PTPRK: variants seen among roughly 807,000 people sequenced by gnomAD.
PTPRK encodes the protein protein tyrosine phosphatase receptor type K.
A neutral mutation model predicts 178.0 loss-of-function variants in PTPRK; 75 were observed. That is an observed-to-expected ratio of 0.42 (90% CI 0.35 to 0.51). PTPRK has a LOEUF of 0.51. Ranked by LOEUF, PTPRK falls within the 20% of genes least tolerant of loss-of-function variation. PTPRK has a pLI of 0.02. For synonymous variants in PTPRK, 637 were observed against 620.6 expected (o/e 1.03, Z -0.39); for missense variants, 1,441 against 1,797.8 (o/e 0.80, Z 3.59).
intron 7 of PTPRK, among the ~76,000 whole-genome samples, chr6:128,097,253 G>C (rs1302859474): frequency 6.6e-6 from 1 of 150,474 alleles, no homozygotes; most frequent in African/African-American, 2.4e-5. Context: ...TAAAGTGACA[G>C]AGGGTGGATG....
intron 2 of PTPRK, among the ~76,000 whole-genome samples, chr6:128,381,258 C>A (rs1046995842): frequency 6.6e-6 from 1 of 152,146 alleles, no homozygotes; most frequent in African/African-American, 2.4e-5. Flanking sequence ...TACATAAAAA[C>A]AGTCTTAAGA....
intron 1 of PTPRK, among the ~76,000 whole-genome samples, chr6:128,483,179 G>A (rs185096832): frequency 6.0e-4 from 91 of 152,160 alleles, no homozygotes; most frequent in Non-Finnish European, 9.7e-4. Flanking sequence ...TACAAAAGTC[G>A]TGTTTTTTCT....
intron 21 of PTPRK, among the ~76,000 whole-genome samples, chr6:127,986,880 G>C (rs976481695): frequency 6.6e-6 from 1 of 152,070 alleles, no homozygotes; most frequent in African/African-American, 2.4e-5. Context: ...ATTTCTTAAA[G>C]GTTTTCTTAA....
intron 7 of PTPRK, among the ~76,000 whole-genome samples, chr6:128,175,142 C>G (rs867023027): frequency 1.3e-5 from 2 of 151,814 alleles, no homozygotes; most frequent in Non-Finnish European, 2.9e-5. Flanking sequence ...CTTAAAAATG[C>G]AATACAAATG....
chr6:128,115,252 A>G (rs1583071009), intron 7 of PTPRK, among the ~76,000 whole-genome samples: 2 of 152,098 alleles, frequency 1.3e-5, no homozygotes, highest in African/African-American at 2.4e-5. Flanking sequence ...TCAAACACAT[A>G]TGTCCCCTAG....
chr6:128,476,029 C>G (rs1448794418), intron 1 of PTPRK, among the ~76,000 whole-genome samples: 1 of 152,002 alleles, frequency 6.6e-6, no homozygotes, highest in Non-Finnish European at 1.5e-5. Context: ...GAAAGGATAT[C>G]TTACCAAAAC....
intron 1 of PTPRK, among the ~76,000 whole-genome samples, chr6:128,457,731 CAA>C (rs201024018): frequency 1.5e-4 from 23 of 152,188 alleles, no homozygotes; most frequent in African/African-American, 4.6e-4. Context: ...CTAAAAATGA[CAA>C]GAGTTTGTTT....
At chr6:128,071,972 T>A (rs534419030) in intron 11 of PTPRK, among the ~76,000 whole-genome samples, 1 of 152,186 alleles carries the variant, frequency 6.6e-6, no homozygotes, top group South Asian at 2.1e-4. Context: ...GTGAGTTGAC[T>A]AATTACATGA....
rs1198878385 is a variant in PTPRK, at chr6:128,083,839, A to G, written c.1466-15T>C. The G allele has an allele frequency of 4.1e-6, 6 of 1,453,200 alleles. No individual in the cohort carries two copies. Among genetic ancestry groups the G allele is most frequent in the Non-Finnish European group, 5.6e-6 (6 of 1,069,470 alleles). The allele number at this position is 1,453,200 out of a possible 1,614,324, so 90.0% of individuals were successfully genotyped here. ...GGGACCAGGCACTACAAAACACATG[A>G]ATTTTTTGTTATGAAAATGCTTACA... On this transcript the variant is annotated splice_polypyrimidine_tract_variant and intron_variant, in intron 8 of 29. Coordinates refer to ENST00000368226, the MANE Select transcript of PTPRK (RefSeq NM_002844.4).
chr6:128,020,344 G>A (rs1294835635), intron 13 of PTPRK, among the ~76,000 whole-genome samples: 2 of 152,128 alleles, frequency 1.3e-5, no homozygotes, highest in Non-Finnish European at 2.9e-5. Flanking sequence ...AGCAAAGTAA[G>A]CTACAGAACA....
At chr6:128,228,871 A>C (rs1053158400) in intron 5 of PTPRK, among the ~76,000 whole-genome samples, 1 of 152,206 alleles carries the variant, frequency 6.6e-6, no homozygotes, top group Non-Finnish European at 1.5e-5. Context: ...AAGGCTTTAT[A>C]GTGACTGACT....
rs187532861 is a variant in PTPRK at position 128,491,612 on chromosome 6, G to A, written c.100+28647C>T. 32 of 365,992 alleles carry A rather than the reference G, an allele frequency of 8.7e-5. 1 individual carries two copies. The highest frequency in any genetic ancestry group is 9.4e-5 in the Non-Finnish European group (17 of 181,354). 22.7% of individuals were successfully genotyped at this position (365,992 alleles called of 1,614,324 possible). The stretch of plus-strand genomic sequence containing the variant: ...CCTGCAGTCAATTCTCAAGCTAGAA[G>A]ACTGTGGTGAGAATATGAGATTAAT... On this transcript the variant is annotated intron_variant, in intron 1 of 29. Coordinates refer to ENST00000368226, the MANE Select transcript of PTPRK (RefSeq NM_002844.4).
At chr6:128,344,664 C>T (rs1163217242) in intron 2 of PTPRK, among the ~76,000 whole-genome samples, 1 of 152,024 alleles carries the variant, frequency 6.6e-6, no homozygotes, top group African/African-American at 2.4e-5. Context: ...TATAGGCACA[C>T]ACCATCAAAC....
rs531776958 is a variant in PTPRK at position 128,182,130 on chromosome 6, ATAAACT to A, written c.1162+2296_1162+2301del. ...ATGTGAAAGATAGTTTTAAAAACAA[ATAAACT>A]TAATACTGTTGGGAGTAAAACTACA... On this transcript the variant is annotated intron_variant, in intron 7 of 29. Transcript: ENST00000368226. Among the ~76,000 whole-genome samples, 747 of 152,316 alleles carry A rather than the reference ATAAACT, an allele frequency of 4.9e-3. 6 individuals are homozygous for A. The highest frequency in any genetic ancestry group is 7.9e-3 in the Non-Finnish European group (539 of 68,026).
chr6:128,263,706 C>G (rs577209365), intron 3 of PTPRK, among the ~76,000 whole-genome samples: 1 of 152,148 alleles, frequency 6.6e-6, no homozygotes, highest in African/African-American at 2.4e-5. Context: ...TCACAACTTC[C>G]TAAAAATTTA....
intron 7 of PTPRK, among the ~76,000 whole-genome samples, chr6:128,106,840 T>C (rs1265610175): frequency 1.3e-5 from 2 of 152,186 alleles, no homozygotes; most frequent in African/African-American, 4.8e-5. Context: ...CCAAATGTCA[T>C]GATCAAACTG....
chr6:128,245,479 A>T (rs1323008565), intron 3 of PTPRK, among the ~76,000 whole-genome samples: 1 of 152,200 alleles, frequency 6.6e-6, no homozygotes, highest in Non-Finnish European at 1.5e-5. Flanking sequence ...ACAATGAGAT[A>T]AGGTAAGCCG....
chr6:128,184,939 T>C (rs1281933463), intron 6 of PTPRK, among the ~76,000 whole-genome samples: 1 of 152,122 alleles, frequency 6.6e-6, no homozygotes, highest in Non-Finnish European at 1.5e-5. Flanking sequence ...ATAATTTTCC[T>C]GTATTAAAAA....
At chr6:128,181,946 T>G (rs1443814557) in intron 7 of PTPRK, among the ~76,000 whole-genome samples, 1 of 152,174 alleles carries the variant, frequency 6.6e-6, no homozygotes, top group Non-Finnish European at 1.5e-5. Flanking sequence ...AGAGCAAGAT[T>G]AGTAGACATT....
Sources: gnomAD v4.1 joint callset for allele counts (sites outside exome capture counted in the v4.1 genomes callset) on GRCh38, gnomAD v4.1.1 for gene constraint, MANE v1.5 for transcripts, NCBI Gene and HGNC (gene_info 2026-07-23, HGNC 2026-07-21) for gene names.